Variants in LIPH observed in about 807,000 individuals in gnomAD.
The protein encoded by LIPH is lipase member H.
LIPH carries 32 observed loss-of-function variants against 47.6 expected under a neutral mutation model. That is an observed-to-expected ratio of 0.67 (90% CI 0.51 to 0.90). The LOEUF (loss-of-function observed/expected upper bound fraction) is 0.90. Ranked by LOEUF, LIPH falls within the 40% of genes least tolerant of loss-of-function variation. The pLI is 0.00. For synonymous variants in LIPH, 190 were observed against 195.6 expected (o/e 0.97, Z 0.24); for missense variants, 497 against 541.4 (o/e 0.92, Z 0.81).
Position 185,511,708 on chromosome 3 carries a change from G to A in LIPH, c.1095-11C>T. ...AATGTGGTGGGTTCACTGGAAGGAA[G>A]AAGTAATACTGAAAAATGGATAAAG... On this transcript the variant is annotated splice_polypyrimidine_tract_variant and intron_variant, in intron 8 of 9. Transcript: ENST00000296252. The A allele has an allele frequency of 1.3e-6, 2 of 1,596,652 alleles. No individual in the cohort carries two copies. The highest frequency in any genetic ancestry group is 1.7e-6 in the Non-Finnish European group (2 of 1,164,252).
intron 5 of LIPH, among the ~76,000 whole-genome samples, chr3:185,521,036 A>G (rs1345653664): frequency 1.3e-5 from 2 of 151,844 alleles, no homozygotes; most frequent in Non-Finnish European, 2.9e-5. Context: ...CTTCCGGCTA[A>G]TTTTGTATTT....
At chr3:185,543,984 G>C (rs1720792290) in intron 1 of LIPH, among the ~76,000 whole-genome samples, 1 of 151,368 alleles carries the variant, frequency 6.6e-6, no homozygotes. Context: ...CCATGTAGCT[G>C]AGATTATAGG....
chr3:185,516,921 A>G (rs1360704478), intron 7 of LIPH, 146 bp downstream of exon 7: 18 of 721,466 alleles, frequency 2.5e-5, no homozygotes, highest in Admixed American at 1.7e-4. Context: ...TATGTGGTAG[A>G]CTCAGGAGTC....
chr3:185,538,869 A>G (rs1720602368), intron 1 of LIPH, among the ~76,000 whole-genome samples: 1 of 146,250 alleles, frequency 6.8e-6, no homozygotes, highest in South Asian at 2.1e-4. Flanking sequence ...ATATACATAT[A>G]TACACATATA....
At chr3:185,531,412 G>A (rs1049586736) in intron 3 of LIPH, among the ~76,000 whole-genome samples, 50 of 151,790 alleles carry the variant, frequency 3.3e-4, no homozygotes, top group African/African-American at 1.2e-3. Context: ...CAGGCATGGT[G>A]GTGCACGCCG....
chr3:185,528,921 T>C (rs564437104), intron 3 of LIPH, among the ~76,000 whole-genome samples: 1 of 148,936 alleles, frequency 6.7e-6, no homozygotes, highest in Non-Finnish European at 1.5e-5. Context: ...CCCAGCACTT[T>C]GGGAGGCCGA....
intron 1 of LIPH, among the ~76,000 whole-genome samples, chr3:185,537,319 G>A (rs1372192400): frequency 6.6e-6 from 1 of 152,054 alleles, no homozygotes; most frequent in East Asian, 1.9e-4. Context: ...AAGTTAAGGA[G>A]GCTTTGAAAT....
chr3:185,546,456 G>A (rs1720876204), intron 1 of LIPH, among the ~76,000 whole-genome samples: 1 of 151,818 alleles, frequency 6.6e-6, no homozygotes, highest in African/African-American at 2.4e-5. Flanking sequence ...TGAGTCCAGG[G>A]TTCAAAGCCT....
chr3:185,519,207 T>G lies in LIPH; in HGVS notation c.821A>C (p.Gln274Pro). Reference sequence around the variant, plus strand: ...GACACACTTGCCATTCCTATAATCCTGGTAGGAGTCACAGGGATACGCAGT... The same window carrying G: ...GACACACTTGCCATTCCTATAATCCGGGTAGGAGTCACAGGGATACGCAGT... ...TITAYPCDSY[Q>P]DYRNGKCVSC... is the part of the protein sequence containing the mutation. The change falls in exon 6 of 10, where the codon CAG (glutamine) becomes CCG (proline). Residue 274 changes from glutamine (Q) to proline (P), a missense_variant. Gln to Pro is a moderately conservative substitution (Grantham distance 76). Transcript: ENST00000296252. 1 of 1,613,580 alleles carries G rather than the reference T, an allele frequency of 6.2e-7. No homozygotes were observed. Among genetic ancestry groups the G allele is most frequent in the Non-Finnish European group, 8.5e-7 (1 of 1,179,524 alleles).
At chr3:185,510,304 T>G (rs533860342) in intron 9 of LIPH, among the ~76,000 whole-genome samples, 32 of 152,342 alleles carry the variant, frequency 2.1e-4, no homozygotes, top group Non-Finnish European at 3.5e-4. Flanking sequence ...CATCATTTCC[T>G]GTCTCCCTCT....
intron 3 of LIPH, among the ~76,000 whole-genome samples, chr3:185,533,086 C>T (rs1292297104): frequency 1.3e-5 from 2 of 152,114 alleles, no homozygotes; most frequent in African/African-American, 4.8e-5. Flanking sequence ...TGGGATCTGA[C>T]CTACTGCATT....
At chr3:185,541,366 G>A (rs542277489) in intron 1 of LIPH, among the ~76,000 whole-genome samples, 5 of 150,700 alleles carry the variant, frequency 3.3e-5, no homozygotes, top group Admixed American at 2.0e-4. Context: ...AAATACAGTC[G>A]ATTCTCATTA....
At chr3:185,532,497 A>AG (rs1720363727) in intron 3 of LIPH, among the ~76,000 whole-genome samples, 1 of 145,816 alleles carries the variant, frequency 6.9e-6, no homozygotes, top group Admixed American at 6.9e-5. Context: ...AGACCCTGTC[A>AG]AAAAAAAAAA....
chr3:185,530,129 G>A (rs1720290409), intron 3 of LIPH, among the ~76,000 whole-genome samples: 1 of 152,094 alleles, frequency 6.6e-6, no homozygotes, highest in Non-Finnish European at 1.5e-5. Context: ...AGTGTGCTGT[G>A]ATTGCACCAC....
chr3:185,513,151 G>C (rs1191040030), intron 8 of LIPH, among the ~76,000 whole-genome samples: 3 of 151,988 alleles, frequency 2.0e-5, no homozygotes, highest in Non-Finnish European at 4.4e-5. Flanking sequence ...GATCATCCTG[G>C]CCAACATGTG....
In LIPH at chr3:185,548,245, A is replaced by G. The variant is rs1464164948; in HGVS notation, c.49+4178T>C. On this transcript the variant is annotated intron_variant, in intron 1 of 9. Coordinates refer to ENST00000296252, the MANE Select transcript of LIPH (RefSeq NM_139248.3). ...CCTGGTGAAACCCTGTCTCTACTAA[A>G]AATACAAAAATTAGCTGGGCGTGGT... Among the ~76,000 whole-genome samples the G allele has an allele frequency of 6.6e-5, 10 of 152,034 alleles. No individual in the cohort carries two copies. The South Asian group carries it at 1.9e-3, about 28-fold the overall frequency.
At chr3:185,536,922 T>G (rs997329681) in intron 1 of LIPH, among the ~76,000 whole-genome samples, 1 of 152,240 alleles carries the variant, frequency 6.6e-6, no homozygotes, top group African/African-American at 2.4e-5. Flanking sequence ...TCTTGCTCTG[T>G]TGCCCAGGCT....
chr3:185,543,740 C>T (rs62291862), intron 1 of LIPH, among the ~76,000 whole-genome samples: 25,029 of 152,016 alleles, frequency 0.16, 2,566 homozygotes, highest in African/African-American at 0.3. Flanking sequence ...TCTTCTGAAA[C>T]CATACTTCTC....
At chr3:185,534,700 T>C (rs953652868) in intron 2 of LIPH, 65 bp downstream of exon 2, 3 of 1,563,878 alleles carry the variant, frequency 1.9e-6, no homozygotes, top group African/African-American at 2.7e-5. Flanking sequence ...ATCTCTTGGC[T>C]TTAAGCCCTC....
Sources: gnomAD v4.1 joint callset for allele counts (sites outside exome capture counted in the v4.1 genomes callset) on GRCh38, gnomAD v4.1.1 for gene constraint, MANE v1.5 for transcripts, NCBI Gene and HGNC (gene_info 2026-07-23, HGNC 2026-07-21) for gene names.